DRAXIN: variants seen among roughly 807,000 people sequenced by gnomAD.
DRAXIN encodes the protein dorsal inhibitory axon guidance protein, also known as dorsal repulsive axon guidance protein.
Under a neutral mutation model 33.9 loss-of-function variants are expected in DRAXIN, and 27 were observed. The ratio of observed to expected loss-of-function variants is 0.80; its 90% CI spans 0.59 to 1.10. DRAXIN has a LOEUF of 1.10. Ranked by LOEUF, DRAXIN falls within the 50% of genes least tolerant of loss-of-function variation. The pLI is 0.00. For missense variants in DRAXIN, 371 were observed against 460.8 expected (o/e 0.81, Z 1.78); for synonymous variants, 178 against 194.0 (o/e 0.92, Z 0.69).
chr1:11,702,158 CGCTCACACATGCTGACAACACACAT>C (rs921889245), intron 1 of DRAXIN, among the ~76,000 whole-genome samples: 1 of 151,010 alleles, frequency 6.6e-6, no homozygotes, highest in African/African-American at 2.4e-5. Context: ...CACACATTCA[CGCTCACACATGCTGACAACACACAT>C]GCTCACACAT....
chr1:11,719,784 G>C lies in DRAXIN; in HGVS notation c.*88G>C. ...ACTAGCAGTGGGAGATCAAGTTGGG[G>C]AACAGATGGCTGAGGCTGCAGACTC... On this transcript the variant is annotated 3_prime_UTR_variant, in exon 7 of 7. Transcript: ENST00000294485. The C allele has an allele frequency of 1.7e-6, 2 of 1,190,618 alleles. No individual in the cohort carries two copies. The highest frequency in any genetic ancestry group is 2.4e-6 in the Non-Finnish European group (2 of 820,080). The allele number at this position is 1,190,618 out of a possible 1,614,324, so 73.8% of individuals were successfully genotyped here. A position where few individuals can be genotyped will look rare whatever the true frequency, so the allele number is the denominator to read the frequency against.
chr1:11,703,923 TG>T (rs1189000986), intron 1 of DRAXIN, among the ~76,000 whole-genome samples: 1 of 151,730 alleles, frequency 6.6e-6, no homozygotes, highest in East Asian at 1.9e-4. Flanking sequence ...GGTGTTGGAG[TG>T]GGGCAGGAGT....
At position 11,692,267 on chromosome 1, in the gene DRAXIN, A is replaced by T. The variant is rs1323937575; in HGVS notation, c.-11+414A>T. 6.6e-6 allele frequency among the ~76,000 whole-genome samples: 1 copy of T among 151,974 alleles called. No homozygotes were observed. The highest frequency in any genetic ancestry group is 1.5e-5 in the Non-Finnish European group (1 of 67,966). ...TCTCTGAGTCTCCGGGTGGTCTCTC[A>T]GGCAGGGGGCCCCAGTCCGCCACCG... On this transcript the variant is annotated intron_variant, in intron 1 of 6. Coordinates refer to ENST00000294485, the MANE Select transcript of DRAXIN (RefSeq NM_198545.4). This position sits in a 1 kb window ranked among gnomAD's most constrained non-coding sequence, Gnocchi z 5.8.
At chr1:11,710,921 C>CAAAAAAAAAAAA (rs57916288) in intron 3 of DRAXIN, among the ~76,000 whole-genome samples, 3 of 90,128 alleles carry the variant, frequency 3.3e-5, no homozygotes, top group African/African-American at 1.5e-4. Flanking sequence ...GACTCCATCT[C>CAAAAAAAAAAAA]AAAAAAAAAA....
At chr1:11,698,385 G>A (rs527242144) in intron 1 of DRAXIN, among the ~76,000 whole-genome samples, 3 of 152,264 alleles carry the variant, frequency 2.0e-5, no homozygotes, top group Admixed American at 6.5e-5. Context: ...CTAGGGGGCC[G>A]GGGCTCCAGG....
chr1:11,718,000 CAAAA>C (rs57704802), intron 6 of DRAXIN, among the ~76,000 whole-genome samples: 5 of 80,876 alleles, frequency 6.2e-5, no homozygotes, highest in Admixed American at 3.0e-4. Flanking sequence ...GACCCTGTCT[CAAAA>C]AAAAAAAAAA....
At chr1:11,710,725 T>G (rs13375870) in intron 3 of DRAXIN, among the ~76,000 whole-genome samples, 20 of 135,636 alleles carry the variant, frequency 1.5e-4, no homozygotes, top group East Asian at 8.9e-4. Flanking sequence ...CCATCCTGGC[T>G]AACATGGTGA....
chr1:11,695,940 T>C (rs1641184524), intron 1 of DRAXIN, among the ~76,000 whole-genome samples: 1 of 151,820 alleles, frequency 6.6e-6, no homozygotes, highest in Admixed American at 6.6e-5. Flanking sequence ...CCTGTACAGG[T>C]TTTTAAGGTG....
chr1:11,712,003 G>T lies in DRAXIN; in HGVS notation c.757+38G>T, dbSNP rs11121810. 8.5e-3 allele frequency: 13,338 copies of T among 1,577,246 alleles called. 164 individuals are homozygous for T. Among genetic ancestry groups the T allele is most frequent in the African/African-American group, 0.054 (4,026 of 74,202 alleles). ...ACCCCACTATCTTCCATGCCTGGGT[G>T]CCCTGCCCTCCCGCACCATCTGTTG... is the stretch of plus-strand genomic sequence containing the variant. On this transcript the variant is annotated intron_variant, in intron 4 of 6. Transcript: ENST00000294485.
At chr1:11,690,777 C>G (rs540530616), upstream of DRAXIN, among the ~76,000 whole-genome samples, 2 of 152,202 alleles carry the variant, frequency 1.3e-5, no homozygotes, top group East Asian at 3.9e-4. This position sits in a 1 kb window ranked among gnomAD's most constrained non-coding sequence, Gnocchi z 4.2. Context: ...ACCCATAACC[C>G]AGCATTCTCA....
chr1:11,687,449 A>T (rs1026063135), upstream of DRAXIN, among the ~76,000 whole-genome samples: 1 of 152,238 alleles, frequency 6.6e-6, no homozygotes, highest in African/African-American at 2.4e-5. This position sits in a 1 kb window ranked among gnomAD's most constrained non-coding sequence, Gnocchi z 4.1. Context: ...CATATTGGCC[A>T]GGCTGGTCTC....
chr1:11,691,522 C>G (rs1197893919), upstream of DRAXIN: 2 of 151,864 alleles, frequency 1.3e-5, no homozygotes. Context: ...GCGCCTAGGC[C>G]TCTGGGGAGC....
chr1:11,715,305 T>C (rs780803700), intron 6 of DRAXIN, 97 bp downstream of exon 6: 17 of 1,472,354 alleles, frequency 1.2e-5, no homozygotes, highest in South Asian at 2.3e-5. Context: ...GGGAACAAGC[T>C]TTCCTGGCAG....
At chr1:11,691,308 C>T (rs2100724807), upstream of DRAXIN, 1 of 152,374 alleles carries the variant, frequency 6.6e-6, no homozygotes, top group Non-Finnish European at 1.5e-5. Flanking sequence ...CCCGCCGCGG[C>T]CCTTTGTCGC....
chr1:11,689,334 G>C (rs1047066822), upstream of DRAXIN, among the ~76,000 whole-genome samples: 1 of 147,102 alleles, frequency 6.8e-6, no homozygotes, highest in Non-Finnish European at 1.5e-5. Flanking sequence ...GCTGTAGCTC[G>C]AGCCTGTAAT....
At chr1:11,715,090 C>T in intron 5 of DRAXIN, 29 bp from the exon 6 acceptor site, 4 of 1,613,338 alleles carry the variant, frequency 2.5e-6, no homozygotes, top group African/African-American at 1.3e-5. Context: ...CTCAGCTTGG[C>T]TGACTGCGTG....
rs76642544 is a variant in DRAXIN at position 11,720,009 on chromosome 1, A to G, written c.*313A>G. 1.2e-4 allele frequency: 39 copies of G among 325,076 alleles called. No individual in the cohort carries two copies. In the East Asian group the frequency reaches 2.1e-3, roughly 17 times the overall value. The allele number at this position is 325,076 out of a possible 1,614,324, so 20.1% of individuals were successfully genotyped here. A position where few individuals can be genotyped will look rare whatever the true frequency, so the allele number is the denominator to read the frequency against. On this transcript the variant is annotated 3_prime_UTR_variant, in exon 7 of 7. Transcript: ENST00000294485. ...CAGCACTGCAACAGCTTCAAGTTCA[A>G]AACCAAGAGGCGTTTTTGAGAGTGG...
intron 1 of DRAXIN, among the ~76,000 whole-genome samples, chr1:11,695,272 C>T (rs1409966151): frequency 2.0e-5 from 3 of 152,130 alleles, no homozygotes; most frequent in Non-Finnish European, 4.4e-5. Flanking sequence ...TTGCTATTAC[C>T]ATCTGAAAAA....
intron 3 of DRAXIN, 112 bp downstream of exon 3, chr1:11,709,577 G>A (rs1352418354): frequency 1.2e-5 from 15 of 1,282,738 alleles, no homozygotes; most frequent in African/African-American, 1.5e-5. Flanking sequence ...AGGCCACAGA[G>A]CTTACTTAGA....
Sources: allele counts gnomAD v4.1 joint callset (sites outside exome capture counted in the v4.1 genomes callset), GRCh38; gene constraint gnomAD v4.1.1; non-coding constraint Gnocchi (gnomAD v3.1); transcripts MANE v1.5; gene names NCBI Gene and HGNC (gene_info 2026-07-23, HGNC 2026-07-21).